The following NARS2 variants were observed in gnomAD, a reference collection of about 807,000 sequenced individuals.
The protein encoded by NARS2 is asparaginyl-tRNA synthetase.
Under a neutral mutation model 62.9 loss-of-function variants are expected in NARS2, and 60 were observed. That is an observed-to-expected ratio of 0.95 (90% CI 0.77 to 1.18). The LOEUF (loss-of-function observed/expected upper bound fraction) is 1.18, where lower values mean the gene tolerates loss of function less well. Among genes scored for constraint, NARS2 ranks in the 50% most tolerant of loss-of-function variants. The pLI is 0.00. For synonymous variants in NARS2, 196 were observed against 200.0 expected (o/e 0.98, Z 0.17); for missense variants, 619 against 576.4 (o/e 1.07, Z -0.76).
At chr11:78,524,064 TAAA>T (rs1375962466) in intron 6 of NARS2, among the ~76,000 whole-genome samples, 1 of 152,116 alleles carries the variant, frequency 6.6e-6, no homozygotes, top group Admixed American at 6.5e-5. Flanking sequence ...AAATTTCTAA[TAAA>T]GTTGATCTTC....
intron 5 of NARS2, among the ~76,000 whole-genome samples, chr11:78,541,316 T>C (rs536897753): frequency 6.6e-6 from 1 of 151,982 alleles, no homozygotes; most frequent in African/African-American, 2.4e-5. Flanking sequence ...CAATCACCTT[T>C]CCAATAAGTC....
At chr11:78,456,936 T>A (rs1647344197) in intron 11 of NARS2, among the ~76,000 whole-genome samples, 1 of 152,322 alleles carries the variant, frequency 6.6e-6, no homozygotes, top group African/African-American at 2.4e-5. Flanking sequence ...TATAAGTTAG[T>A]CTTATCCATG....
intron 6 of NARS2, among the ~76,000 whole-genome samples, chr11:78,508,417 C>T (rs181647506): frequency 1.4e-4 from 22 of 151,774 alleles, no homozygotes; most frequent in African/African-American, 4.8e-4. Context: ...GGTGAAACCC[C>T]GTCTCTACCA....
chr11:78,504,442 T>G (rs1339436081), intron 6 of NARS2, among the ~76,000 whole-genome samples: 7 of 151,762 alleles, frequency 4.6e-5, no homozygotes, highest in Non-Finnish European at 8.8e-5. Context: ...CAGTTTTTTT[T>G]TTTTTTTTTT....
intron 11 of NARS2, among the ~76,000 whole-genome samples, chr11:78,464,201 T>C (rs1217905852): frequency 6.6e-6 from 1 of 151,668 alleles, no homozygotes; most frequent in Admixed American, 6.6e-5. Context: ...TTCCTCCCGG[T>C]GGGCTCGTGG....
chr11:78,459,554 G>A (rs1177684606), intron 11 of NARS2, among the ~76,000 whole-genome samples: 4 of 152,120 alleles, frequency 2.6e-5, no homozygotes, highest in South Asian at 2.1e-4. Context: ...ACAGGAGTGA[G>A]CCACCGCGCC....
At chr11:78,572,904 A>T (rs781586354) in intron 1 of NARS2, among the ~76,000 whole-genome samples, 1 of 152,146 alleles carries the variant, frequency 6.6e-6, no homozygotes, top group Non-Finnish European at 1.5e-5. Context: ...AGCACATCTC[A>T]ATTTGGACCA....
intron 11 of NARS2, among the ~76,000 whole-genome samples, chr11:78,463,829 G>A (rs1485881077): frequency 1.3e-5 from 2 of 150,828 alleles, no homozygotes; most frequent in East Asian, 3.9e-4. Context: ...GGGAAAATCT[G>A]CCTAGACTGC....
chr11:78,448,140 C>T (rs1050073979), intron 11 of NARS2, among the ~76,000 whole-genome samples: 3 of 152,078 alleles, frequency 2.0e-5, no homozygotes, highest in African/African-American at 4.8e-5. Flanking sequence ...CATATCAAAA[C>T]AGTACATTAT....
chr11:78,450,294 G>A (rs780336445), intron 11 of NARS2, among the ~76,000 whole-genome samples: 6 of 152,116 alleles, frequency 3.9e-5, no homozygotes, highest in Non-Finnish European at 7.4e-5. Flanking sequence ...GGAGATAAAC[G>A]AATCAGTATG....
chr11:78,443,171 A>G (rs1351996339), intron 12 of NARS2, among the ~76,000 whole-genome samples: 1 of 151,868 alleles, frequency 6.6e-6, no homozygotes, highest in African/African-American at 2.4e-5. Flanking sequence ...TAAAAAATAC[A>G]AAAAATTAGC....
chr11:78,461,783 C>CAAA (rs56753439), intron 11 of NARS2, among the ~76,000 whole-genome samples: 12 of 93,134 alleles, frequency 1.3e-4, no homozygotes, highest in African/African-American at 4.2e-4. Flanking sequence ...GTACCCACTA[C>CAAA]AAAAAAAAAA....
intron 5 of NARS2, 137 bp from the exon 6 acceptor site, chr11:78,529,073 G>T: frequency 4.9e-6 from 3 of 609,098 alleles, no homozygotes. Context: ...GAAAATAAAG[G>T]TAGTTACACA....
chr11:78,443,728 C>A lies in NARS2; in HGVS notation c.1195G>T (p.Val399Phe). ...VAAVDLLVPG[V>F]GELFGGGLRE... Reference sequence around the variant, plus strand: ...AGGCCTCCTCCAAAGAGTTCCCCAACTCCAGGAACCAGAAGATCAACAGCA... The same window carrying A: ...AGGCCTCCTCCAAAGAGTTCCCCAAATCCAGGAACCAGAAGATCAACAGCA... The change falls in exon 12 of 14, where the codon GTT becomes TTT. Residue 399 changes from valine (V) to phenylalanine (F), a missense_variant. Coordinates refer to ENST00000281038, the MANE Select transcript of NARS2 (RefSeq NM_024678.6). The A allele has an allele frequency of 6.2e-7, 1 of 1,613,460 alleles. No homozygotes were observed. The highest frequency in any genetic ancestry group is 8.5e-7 in the Non-Finnish European group (1 of 1,179,706).
intron 11 of NARS2, among the ~76,000 whole-genome samples, chr11:78,449,926 G>T (rs889399267): frequency 6.6e-6 from 1 of 152,186 alleles, no homozygotes; most frequent in Non-Finnish European, 1.5e-5. Flanking sequence ...GTCCACCCTG[G>T]TCTAAAACTG....
chr11:78,449,479 TA>T (rs1002701202), intron 11 of NARS2, among the ~76,000 whole-genome samples: 26 of 149,330 alleles, frequency 1.7e-4, no homozygotes, highest in African/African-American at 2.7e-4. Flanking sequence ...ATAGCTACGT[TA>T]AAAAAAAAAA....
At chr11:78,528,378 A>C (rs889240829) in intron 6 of NARS2, among the ~76,000 whole-genome samples, 4 of 152,212 alleles carry the variant, frequency 2.6e-5, no homozygotes, top group Non-Finnish European at 4.4e-5. Flanking sequence ...CAGTTGCTAA[A>C]ATTCATTTGA....
At chr11:78,572,050 C>T (rs1444040254) in intron 1 of NARS2, among the ~76,000 whole-genome samples, 2 of 152,042 alleles carry the variant, frequency 1.3e-5, no homozygotes, top group Non-Finnish European at 2.9e-5. Context: ...GGAGTGTTGG[C>T]GCTCGTTTGT....
At position 78,531,368 on chromosome 11, in the gene NARS2, CAAG is replaced by C. The variant is rs563117307; in HGVS notation, c.595-2435_595-2433del. Among the ~76,000 whole-genome samples, 263 of 152,170 alleles carry C rather than the reference CAAG, an allele frequency of 1.7e-3. 2 individuals carry two copies. Among genetic ancestry groups the C allele is most frequent in the South Asian group, 7.9e-3 (38 of 4,808 alleles). On this transcript the variant is annotated intron_variant, in intron 5 of 13. Transcript: ENST00000281038. ...TAAATCTTAAAAAACTAAAATCACA[CAAG>C]GTATCTTCTTTGATAACTATGGAAC...
Sources: gnomAD v4.1 joint callset for allele counts (sites outside exome capture counted in the v4.1 genomes callset) on GRCh38, gnomAD v4.1.1 for gene constraint, MANE v1.5 for transcripts, NCBI Gene and HGNC (gene_info 2026-07-23, HGNC 2026-07-21) for gene names.